IL1RAPL2: variants seen among roughly 807,000 people sequenced by gnomAD.
The protein encoded by IL1RAPL2 is X-linked interleukin-1 receptor accessory protein-like 2.
IL1RAPL2 carries 3 observed loss-of-function variants against 44.1 expected under a neutral mutation model. The ratio of observed to expected loss-of-function variants is 0.07; its 90% CI spans 0.03 to 0.18. The LOEUF is 0.18. Ranked by LOEUF, IL1RAPL2 falls within the 10% of genes least tolerant of loss-of-function variation. The probability of loss-of-function intolerance (pLI) is 1.00; values close to 1 mark genes in which losing one functional copy is unlikely to be tolerated. For missense variants in IL1RAPL2, 391 were observed against 496.4 expected (o/e 0.79, Z 2.02); for synonymous variants, 181 against 178.8 (o/e 1.01, Z -0.10).
chrX:105,576,141 T>C (rs751330186), intron 6 of IL1RAPL2, among the ~76,000 whole-genome samples: 20 of 111,824 alleles, frequency 1.8e-4, no homozygotes, highest in Non-Finnish European at 3.2e-4. Context: ...TGATAGTTTC[T>C]TTTGCTGGGC....
intron 2 of IL1RAPL2, among the ~76,000 whole-genome samples, chrX:104,951,711 T>C (rs771418147): frequency 2.7e-5 from 3 of 112,422 alleles, no homozygotes; most frequent in African/African-American, 9.7e-5. Context: ...TGTCTTTGAG[T>C]GAATTACTCA....
At chrX:105,376,163 G>A (rs1247925214) in intron 5 of IL1RAPL2, among the ~76,000 whole-genome samples, 1 of 111,842 alleles carries the variant, frequency 8.9e-6, no homozygotes, top group Non-Finnish European at 1.9e-5. Context: ...TCAGATGTGA[G>A]TATCTCAGTT....
chrX:104,688,499 C>A (rs906601350), intron 2 of IL1RAPL2, among the ~76,000 whole-genome samples: 1 of 111,448 alleles, frequency 9.0e-6, no homozygotes, highest in Non-Finnish European at 1.9e-5. Flanking sequence ...ATCCTACACC[C>A]CCAACGCTTA....
intron 2 of IL1RAPL2, among the ~76,000 whole-genome samples, chrX:104,756,738 T>C (rs1333454791): frequency 9.2e-6 from 1 of 109,132 alleles, no homozygotes; most frequent in Non-Finnish European, 1.9e-5. Context: ...GAGATTGAAG[T>C]GTATGGATAA....
intron 2 of IL1RAPL2, among the ~76,000 whole-genome samples, chrX:104,914,334 T>C (rs911747015): frequency 1.7e-4 from 19 of 111,977 alleles, no homozygotes; most frequent in African/African-American, 5.2e-4. Context: ...GTCAAATTTC[T>C]GACAGCTTTT....
chrX:104,703,709 A>C (rs1315736928), intron 2 of IL1RAPL2, among the ~76,000 whole-genome samples: 1 of 112,320 alleles, frequency 8.9e-6, no homozygotes, highest in East Asian at 2.8e-4. Context: ...TATATCACTT[A>C]ATCCTCACAA....
At chrX:105,710,992 A>G (rs2147548009) in intron 6 of IL1RAPL2, among the ~76,000 whole-genome samples, 1 of 107,163 alleles carries the variant, frequency 9.3e-6, no homozygotes, top group East Asian at 2.9e-4. Context: ...GTATATATAC[A>G]TACACATACA....
chrX:105,218,871 A>C (rs2033897550), intron 3 of IL1RAPL2: 21 of 734,400 alleles, frequency 2.9e-5, no homozygotes, highest in Non-Finnish European at 3.3e-5. Flanking sequence ...TTCTTCCCCT[A>C]CCACCCCGGC....
intron 1 of IL1RAPL2, among the ~76,000 whole-genome samples, chrX:104,589,194 G>A (rs1203837976): frequency 9.0e-6 from 1 of 111,470 alleles, no homozygotes; most frequent in African/African-American, 3.3e-5. Context: ...CATATAAAGG[G>A]GAGTTCATTA....
intron 5 of IL1RAPL2, among the ~76,000 whole-genome samples, chrX:105,363,011 C>T (rs1311364618): frequency 9.2e-6 from 1 of 108,544 alleles, no homozygotes; most frequent in Non-Finnish European, 1.9e-5. Flanking sequence ...TTTGTCTTAT[C>T]CCTTTTCCTC....
At chrX:105,102,646 C>T (rs1207144871) in intron 2 of IL1RAPL2, among the ~76,000 whole-genome samples, 6 of 111,481 alleles carry the variant, frequency 5.4e-5, no homozygotes, top group Non-Finnish European at 9.4e-5. Context: ...CATGTATGTA[C>T]ACATGTGTGT....
Position 105,132,399 on chromosome X carries a change from G to A in IL1RAPL2, c.83-63076G>A, listed in dbSNP as rs897922563. 4.5e-5 allele frequency among the ~76,000 whole-genome samples: 5 copies of A among 110,553 alleles called. No individual in the cohort carries two copies. The East Asian group carries it at 8.6e-4, about 19-fold the overall frequency. ...CAAAAAGTTCATTTAAGATAATTTC[G>A]CCATTTAAAAGGAGGTGAGGATCCT... is the stretch of plus-strand genomic sequence containing the variant. On this transcript the variant is annotated intron_variant, in intron 2 of 10. Coordinates refer to ENST00000372582, the MANE Select transcript of IL1RAPL2 (RefSeq NM_017416.2).
chrX:105,542,757 G>A (rs1362692395), intron 6 of IL1RAPL2, among the ~76,000 whole-genome samples: 10 of 88,586 alleles, frequency 1.1e-4, no homozygotes, highest in African/African-American at 3.4e-4. Context: ...TTTTTGAGAC[G>A]GAGTCTCGCT....
intron 2 of IL1RAPL2, among the ~76,000 whole-genome samples, chrX:105,029,580 C>CTCATCATT (rs1190023322): frequency 1.8e-5 from 2 of 108,322 alleles, no homozygotes; most frequent in African/African-American, 6.7e-5. Context: ...AGGACATGAA[C>CTCATCATT]TCATCATTTT....
intron 2 of IL1RAPL2, among the ~76,000 whole-genome samples, chrX:104,771,577 T>G (rs1381565107): frequency 8.9e-6 from 1 of 112,395 alleles, no homozygotes; most frequent in African/African-American, 3.2e-5. Context: ...ATAGTTGGGT[T>G]TTTTTCTTCT....
chrX:105,038,108 T>C (rs16984612), intron 2 of IL1RAPL2, among the ~76,000 whole-genome samples: 7,547 of 110,941 alleles, frequency 0.068, 699 homozygotes, highest in African/African-American at 0.24. Context: ...TTGCACAAAC[T>C]CTGCCCCTCA....
intron 2 of IL1RAPL2, among the ~76,000 whole-genome samples, chrX:104,667,419 G>T (rs904769195): frequency 3.6e-5 from 4 of 111,350 alleles, no homozygotes; most frequent in African/African-American, 1.3e-4. Context: ...AGGGGGAAGG[G>T]AGAAACTAAC....
At chrX:105,764,924 G>C (rs2038717672) in intron 10 of IL1RAPL2, among the ~76,000 whole-genome samples, 1 of 112,271 alleles carries the variant, frequency 8.9e-6, no homozygotes, top group Non-Finnish European at 1.9e-5. Context: ...TTTGTACAAG[G>C]TTTAATTTTT....
At chrX:105,432,415 G>A (rs1234504380) in intron 5 of IL1RAPL2, among the ~76,000 whole-genome samples, 2 of 109,888 alleles carry the variant, frequency 1.8e-5, no homozygotes, top group Non-Finnish European at 3.8e-5. Flanking sequence ...GATATAGAAG[G>A]TTTTCTTACT....
Sources: allele counts gnomAD v4.1 joint callset (sites outside exome capture counted in the v4.1 genomes callset), GRCh38; gene constraint gnomAD v4.1.1; transcripts MANE v1.5; gene names NCBI Gene and HGNC (gene_info 2026-07-23, HGNC 2026-07-21).